The following PHF14 variants were observed in gnomAD, a reference collection of about 807,000 sequenced individuals.
PHF14 encodes PHD finger protein 14.
PHF14 carries 55 observed loss-of-function variants against 117.9 expected under a neutral mutation model. The ratio of observed to expected loss-of-function variants is 0.47; its 90% CI spans 0.38 to 0.58. PHF14 has a LOEUF of 0.58. Ranked by LOEUF, PHF14 falls within the 20% of genes least tolerant of loss-of-function variation. The pLI, the probability that PHF14 is intolerant of heterozygous loss-of-function variation, is 0.00. For missense variants in PHF14, 978 were observed against 1,122.2 expected (o/e 0.87, Z 1.84); for synonymous variants, 409 against 368.6 (o/e 1.11, Z -1.26).
At chr7:11,147,392 TC>T (rs1028202544) in intron 17 of PHF14, among the ~76,000 whole-genome samples, 1 of 152,164 alleles carries the variant, frequency 6.6e-6, no homozygotes, top group African/African-American at 2.4e-5. Context: ...TTATCCATGT[TC>T]CTGAAATTAA....
intron 16 of PHF14, among the ~76,000 whole-genome samples, chr7:11,086,031 A>G (rs1786395217): frequency 6.6e-6 from 1 of 152,184 alleles, no homozygotes; most frequent in Non-Finnish European, 1.5e-5. Flanking sequence ...AACCGAGGAT[A>G]ATAATCTTTT....
rs551375548 is a variant in PHF14, at chr7:10,973,886, G to C, written c.-438G>C. The C allele has an allele frequency of 6.0e-6, 1 of 167,734 alleles. No individual in the cohort carries two copies. Among genetic ancestry groups the C allele is most frequent in the African/African-American group, 2.4e-5 (1 of 41,726 alleles). 10.4% of individuals were successfully genotyped at this position (167,734 alleles called of 1,614,324 possible). ...CTCGTGTTTTCACTTCCTTTTCAGAGCTGTATCCGGGTCGCTGCTTTCCCT... is the reference window on the plus strand; with the variant it reads ...CTCGTGTTTTCACTTCCTTTTCAGACCTGTATCCGGGTCGCTGCTTTCCCT... On this transcript the variant is annotated 5_prime_UTR_variant, in exon 1 of 18. Coordinates refer to ENST00000634607, the MANE Select transcript of PHF14 (RefSeq NM_001007157.2).
chr7:11,107,236 T>G lies in PHF14; in HGVS notation c.2655-4114T>G, dbSNP rs1487504883. On this transcript the variant is annotated intron_variant, in intron 16 of 17. Coordinates refer to ENST00000634607, the MANE Select transcript of PHF14 (RefSeq NM_001007157.2). Reference sequence around the variant, plus strand: ...AATAGTCAGGTAAACACCTGACTAATTGCTTGTTATATGGATCATAGCACA... The same window carrying G: ...AATAGTCAGGTAAACACCTGACTAAGTGCTTGTTATATGGATCATAGCACA... 3 of 981,960 alleles carry G rather than the reference T, an allele frequency of 3.1e-6. No homozygotes were observed. In the East Asian group the frequency reaches 3.4e-4, roughly 111 times the overall value. The allele number at this position is 981,960 out of a possible 1,614,324, so 60.8% of individuals were successfully genotyped here. A position where few individuals can be genotyped will look rare whatever the true frequency, so the allele number is the denominator to read the frequency against.
chr7:11,076,654 A>G (rs1186445797), intron 16 of PHF14, among the ~76,000 whole-genome samples: 26 of 141,252 alleles, frequency 1.8e-4, no homozygotes, highest in African/African-American at 6.1e-4. Context: ...TGCAACCTCT[A>G]CCTCCGGGGT....
chr7:11,048,428 C>G (rs1032238304), intron 13 of PHF14, among the ~76,000 whole-genome samples: 1 of 151,996 alleles, frequency 6.6e-6, no homozygotes, highest in Non-Finnish European at 1.5e-5. Context: ...AAAAATTAGC[C>G]AGGCATGGTG....
intron 16 of PHF14, among the ~76,000 whole-genome samples, chr7:11,063,912 A>C (rs1351982626): frequency 6.6e-6 from 1 of 151,864 alleles, no homozygotes; most frequent in East Asian, 1.9e-4. Context: ...GAATTTTGTG[A>C]AAGTCTTCTG....
chr7:10,997,506 A>G (rs1157262642), intron 4 of PHF14, among the ~76,000 whole-genome samples: 2 of 152,234 alleles, frequency 1.3e-5, no homozygotes, highest in Admixed American at 6.5e-5. Flanking sequence ...AACAACAAAC[A>G]TTTATTATTT....
chr7:10,992,988 A>G (rs923015562), intron 4 of PHF14, among the ~76,000 whole-genome samples: 20 of 152,120 alleles, frequency 1.3e-4, no homozygotes, highest in African/African-American at 3.6e-4. Context: ...TTTGGGTTAT[A>G]TGCTTTTGGC....
intron 13 of PHF14, among the ~76,000 whole-genome samples, chr7:11,051,232 A>G (rs912329920): frequency 6.6e-6 from 1 of 151,730 alleles, no homozygotes; most frequent in Non-Finnish European, 1.5e-5. Flanking sequence ...TTGTGAAGAC[A>G]GTCTCTCACT....
intron 4 of PHF14, chr7:11,006,910 C>T (rs1432292991): frequency 6.1e-6 from 3 of 492,814 alleles, no homozygotes; most frequent in Admixed American, 5.0e-5. Flanking sequence ...CGCGGTGGCT[C>T]ACACCTTTAA....
intron 17 of PHF14, among the ~76,000 whole-genome samples, chr7:11,164,835 G>A (rs1450393699): frequency 6.6e-6 from 1 of 152,092 alleles, no homozygotes; most frequent in African/African-American, 2.4e-5. Flanking sequence ...TCCTTTTTAT[G>A]TAGTCCAGGA....
rs187730189 is a variant in PHF14 at position 11,049,424 on chromosome 7, G to A, written c.2313-2188G>A. Among the ~76,000 whole-genome samples, 165 of 149,654 alleles carry A rather than the reference G, an allele frequency of 1.1e-3. 1 individual carries two copies. The highest frequency in any genetic ancestry group is 3.8e-3 in the African/African-American group (154 of 40,524). ...GGGAAGGTGGAGGTTGCAGTGAGCCGAGATCGTGCCACTGGACTCCAGCCT... is the reference window on the plus strand; with the variant it reads ...GGGAAGGTGGAGGTTGCAGTGAGCCAAGATCGTGCCACTGGACTCCAGCCT... On this transcript the variant is annotated intron_variant, in intron 13 of 17. Transcript: ENST00000634607.
At chr7:11,027,629 A>G (rs547286808) in intron 6 of PHF14, among the ~76,000 whole-genome samples, 1 of 152,238 alleles carries the variant, frequency 6.6e-6, no homozygotes, top group South Asian at 2.1e-4. Flanking sequence ...CTCTTTTTAT[A>G]CAGAAAGAAT....
intron 17 of PHF14, among the ~76,000 whole-genome samples, chr7:11,129,947 T>C (rs1197152060): frequency 1.6e-4 from 24 of 151,962 alleles, no homozygotes; most frequent in Admixed American, 1.5e-3. Flanking sequence ...AATAGAATTA[T>C]AAAGGCTAGT....
chr7:11,091,744 C>T (rs115264905), intron 16 of PHF14, among the ~76,000 whole-genome samples: 2,669 of 151,990 alleles, frequency 0.018, 84 homozygotes, highest in East Asian at 0.13. Context: ...GGTGACGGAG[C>T]GAGACCCTTT....
At chr7:11,089,872 G>A (rs1208653147) in intron 16 of PHF14, among the ~76,000 whole-genome samples, 1 of 149,506 alleles carries the variant, frequency 6.7e-6, no homozygotes, top group East Asian at 2.0e-4. Context: ...CTGGCTTCAA[G>A]CGATTCTCCT....
At chr7:11,109,314 C>T (rs2128343060) in intron 16 of PHF14, 1 of 151,924 alleles carries the variant, frequency 6.6e-6, no homozygotes, top group South Asian at 2.1e-4. Flanking sequence ...GAACAGCTGA[C>T]TCCTGGTCCT....
chr7:11,055,385 A>G (rs1335219888), intron 14 of PHF14, among the ~76,000 whole-genome samples: 2 of 152,134 alleles, frequency 1.3e-5, no homozygotes, highest in African/African-American at 4.8e-5. Flanking sequence ...GTGCCAAAGG[A>G]CTTGTTGGGA....
At chr7:11,054,952 CTTCATGACATACGTAGGGCA>C (rs896509688) in intron 14 of PHF14, among the ~76,000 whole-genome samples, 16 of 151,790 alleles carry the variant, frequency 1.1e-4, no homozygotes, top group African/African-American at 2.9e-4. Context: ...AAAATTTTAC[CTTCATGACATACGTAGGGCA>C]ATCATGACAT....
Sources: gnomAD v4.1 joint callset for allele counts (sites outside exome capture counted in the v4.1 genomes callset) on GRCh38, gnomAD v4.1.1 for gene constraint, MANE v1.5 for transcripts, NCBI Gene and HGNC (gene_info 2026-07-23, HGNC 2026-07-21) for gene names.